Variants in GRHPR observed in about 807,000 individuals in gnomAD.
GRHPR encodes the protein glyoxylate reductase/hydroxypyruvate reductase.
Under a neutral mutation model 36.8 loss-of-function variants are expected in GRHPR, and 35 were observed. That is an observed-to-expected ratio of 0.95 (90% confidence interval 0.73 to 1.26). The LOEUF (loss-of-function observed/expected upper bound fraction) is 1.26. Among genes scored for constraint, GRHPR ranks in the 50% most tolerant of loss-of-function variants. GRHPR has a pLI of 0.00. For missense variants in GRHPR, 380 were observed against 435.0 expected (o/e 0.87, Z 1.12); for synonymous variants, 179 against 181.0 (o/e 0.99, Z 0.09).
intron 5 of GRHPR, chr9:37,429,522 T>C (rs890872333): frequency 1.6e-6 from 1 of 632,476 alleles, no homozygotes; most frequent in African/African-American, 1.8e-5. Context: ...TGAGGTGCTG[T>C]CTCCAGATCC....
At chr9:37,426,863 A>AT (rs1823106772) in intron 4 of GRHPR, among the ~76,000 whole-genome samples, 1 of 151,996 alleles carries the variant, frequency 6.6e-6, no homozygotes, top group Non-Finnish European at 1.5e-5. Context: ...AGGCAGGAGA[A>AT]TCATGTGAAC....
downstream of GRHPR, chr9:37,438,552 GGGCAGGCTCCT>G: frequency 6.6e-6 from 1 of 152,210 alleles, no homozygotes; most frequent in South Asian, 2.1e-4. Context: ...AGAGGTAAGC[GGGCAGGCTCCT>G]GGCACCACCT....
Position 37,424,841 on chromosome 9 carries a change from G to A in GRHPR, c.84-4G>A, listed in dbSNP as rs778578725. Reference sequence around the variant, plus strand: ...TTCTCCTGAGGGCCTCCCTTTCCCCGCAGCTGTGAGGTGGAGCAGTGGGAC... The same window carrying A: ...TTCTCCTGAGGGCCTCCCTTTCCCCACAGCTGTGAGGTGGAGCAGTGGGAC... On this transcript the variant is annotated splice_polypyrimidine_tract_variant and splice_region_variant and intron_variant, in intron 1 of 8. Transcript: ENST00000318158. 1.4e-5 allele frequency: 23 copies of A among 1,612,800 alleles called. No individual in the cohort carries two copies. The East Asian group carries it at 4.0e-4, about 28-fold the overall frequency.
At chr9:37,425,002 G>A in intron 2 of GRHPR, 27 bp downstream of exon 2, 1 of 1,608,334 alleles carries the variant, frequency 6.2e-7, no homozygotes, top group Non-Finnish European at 8.5e-7. Flanking sequence ...CAGGGGACTT[G>A]AGGGTGGCTT....
At position 37,426,634 on chromosome 9, in the gene GRHPR, G is replaced by A. The variant is rs372351685; in HGVS notation, c.384G>A (p.Glu128=). 5.7e-5 allele frequency: 92 copies of A among 1,609,656 alleles called. No homozygotes were observed. Among genetic ancestry groups the A allele is most frequent in the Non-Finnish European group, 7.3e-5 (86 of 1,176,084 alleles). Residue 128 remains glutamate (E), a synonymous_variant, in exon 4 of 9, where the codon GAG becomes GAA. Transcript: ENST00000318158. ...TTACCACCTGCCGCCGGTTGCCGGA[G>A]GCCATCGAGGAAGTGAAGAAGTAAG... ...LLLTTCRRLP[E]AIEEVKNGGW...
chr9:37,437,665 C>T (rs557132514), downstream of GRHPR, among the ~76,000 whole-genome samples: 1 of 143,474 alleles, frequency 7.0e-6, no homozygotes, highest in South Asian at 2.3e-4. Flanking sequence ...GTCCCCCCAG[C>T]CCCTCCCTGC....
chr9:37,438,429 T>TGACA (rs1373018206), downstream of GRHPR: 1 of 152,582 alleles, frequency 6.6e-6, no homozygotes, highest in African/African-American at 2.4e-5. Context: ...ACGTAGAAAC[T>TGACA]GACAGACTAA....
At chr9:37,425,270 T>C (rs559294924) in intron 2 of GRHPR, among the ~76,000 whole-genome samples, 2 of 152,350 alleles carry the variant, frequency 1.3e-5, no homozygotes, top group South Asian at 4.1e-4. Context: ...CCTTGCTCTG[T>C]GACCTCCAGC....
intron 7 of GRHPR, chr9:37,431,403 T>G: frequency 3.4e-6 from 1 of 297,214 alleles, no homozygotes; most frequent in Non-Finnish European, 6.6e-6. Flanking sequence ...GGTGCCTGCA[T>G]GTACCCAGGA....
At chr9:37,426,146 T>A in intron 3 of GRHPR, 152 bp downstream of exon 3, 1 of 671,982 alleles carries the variant, frequency 1.5e-6, no homozygotes, top group Non-Finnish European at 2.7e-6. Context: ...TGTGCACAGG[T>A]CAGTTACAAT....
chr9:37,433,819 T>G (rs1248371184), intron 8 of GRHPR: 3 of 375,786 alleles, frequency 8.0e-6, no homozygotes, highest in Non-Finnish European at 1.4e-5. Flanking sequence ...AGACTAAGAG[T>G]GATCAGGGCC....
chr9:37,430,719 T>G (rs1459319903), intron 7 of GRHPR, 73 bp downstream of exon 7: 2 of 1,428,792 alleles, frequency 1.4e-6, no homozygotes, highest in African/African-American at 2.8e-5. Context: ...GAGATTTTCT[T>G]CCCCGTGGGT....
intron 4 of GRHPR, among the ~76,000 whole-genome samples, chr9:37,426,867 T>C (rs1007216344): frequency 5.9e-5 from 9 of 151,656 alleles, no homozygotes; most frequent in African/African-American, 2.2e-4. Context: ...AGGAGAATCA[T>C]GTGAACCCAG....
intron 5 of GRHPR, 53 bp from the exon 6 acceptor site, chr9:37,429,679 T>C (rs750093514): frequency 2.5e-5 from 28 of 1,141,316 alleles, no homozygotes; most frequent in Non-Finnish European, 3.3e-5. Context: ...TGCTGGGTGG[T>C]GTCCCTACCC....
At position 37,430,549 on chromosome 9, in the gene GRHPR, G is replaced by C; in HGVS notation, c.637G>C (p.Val213Leu). ...GCTGGCTGCCCAATCTGATTTCATCGTCGTGGCCTGCTCCTTAACACCTGC... is the reference window on the plus strand; with the variant it reads ...GCTGGCTGCCCAATCTGATTTCATCCTCGTGGCCTGCTCCTTAACACCTGC... ...PELAAQSDFI[V>L]VACSLTPATE... Residue 213 changes from valine (V) to leucine (L), a missense_variant, in exon 7 of 9, where the codon GTC becomes CTC. Coordinates refer to ENST00000318158, the MANE Select transcript of GRHPR (RefSeq NM_012203.2). 6.2e-7 allele frequency: 1 copy of C among 1,613,698 alleles called. No homozygotes were observed. Among genetic ancestry groups the C allele is most frequent in the African/African-American group, 1.3e-5 (1 of 75,014 alleles).
chr9:37,423,166 C>G (rs941237033), intron 1 of GRHPR, among the ~76,000 whole-genome samples: 4 of 137,052 alleles, frequency 2.9e-5, no homozygotes, highest in Non-Finnish European at 6.4e-5. Flanking sequence ...ATTTACTTAT[C>G]TTTTTTTTTT....
chr9:37,432,219 G>A, intron 8 of GRHPR, 81 bp downstream of exon 8: 1 of 1,384,444 alleles, frequency 7.2e-7, no homozygotes, highest in Non-Finnish European at 1.0e-6. Context: ...GGGGCCGGGT[G>A]TGGAGCTAGT....
chr9:37,430,339 T>G, intron 6 of GRHPR, 172 bp from the exon 7 acceptor site: 1 of 698,182 alleles, frequency 1.4e-6, no homozygotes, highest in South Asian at 1.5e-5. Context: ...CAGATCCCAC[T>G]GTGTGTGATT....
intron 7 of GRHPR, chr9:37,430,873 C>T (rs1387237589): frequency 1.5e-6 from 1 of 646,898 alleles, no homozygotes; most frequent in Non-Finnish European, 2.9e-6. Context: ...AGCAGTGGCC[C>T]CCACCCGGCG....
Sources: allele counts gnomAD v4.1 joint callset (sites outside exome capture counted in the v4.1 genomes callset), GRCh38; gene constraint gnomAD v4.1.1; transcripts MANE v1.5; gene names NCBI Gene and HGNC (gene_info 2026-07-23, HGNC 2026-07-21).